HERC1: variants seen among roughly 807,000 people sequenced by gnomAD.
HERC1 encodes probable E3 ubiquitin-protein ligase HERC1.
HERC1 carries 160 observed loss-of-function variants against 554.3 expected under a neutral mutation model. The ratio of observed to expected loss-of-function variants is 0.29; its 90% confidence interval spans 0.25 to 0.33. The LOEUF (loss-of-function observed/expected upper bound fraction) is 0.33, where lower values mean the gene tolerates loss of function less well. HERC1 is among the 10% of genes least tolerant of loss of function. HERC1 has a pLI of 1.00. For synonymous variants in HERC1, 2,175 were observed against 2,131.7 expected (o/e 1.02, Z -0.56); for missense variants, 4,919 against 5,918.5 (o/e 0.83, Z 5.54).
chr15:63,744,156 GTGTGTGTGTCTCTC>G (rs1210213081), intron 12 of HERC1, among the ~76,000 whole-genome samples: 10 of 41,384 alleles, frequency 2.4e-4, no homozygotes, highest in Non-Finnish European at 4.6e-4. Flanking sequence ...GTGTGTGTGT[GTGTGTGTGTCTCTC>G]TCTCTCTCTC....
At chr15:63,766,747 G>A (rs12903326) in intron 2 of HERC1, among the ~76,000 whole-genome samples, 72,631 of 151,994 alleles carry the variant, frequency 0.48, 18,279 homozygotes, top group Non-Finnish European at 0.55. Context: ...GCACGATCTC[G>A]GCTCACTATA....
At chr15:63,679,974 C>G in intron 36 of HERC1, 103 bp downstream of exon 36, 1 of 742,998 alleles carries the variant, frequency 1.3e-6, no homozygotes, top group Non-Finnish European at 2.1e-6. Context: ...AAGTCAAGTA[C>G]TTTTAATGGC....
intron 2 of HERC1, among the ~76,000 whole-genome samples, chr15:63,771,493 C>T (rs148981615): frequency 0.012 from 1,809 of 150,766 alleles, 31 homozygotes; most frequent in African/African-American, 0.042. Flanking sequence ...TGCAATGGTG[C>T]GATCTCAGCT....
chr15:63,622,613 G>T (rs768621297), intron 74 of HERC1, among the ~76,000 whole-genome samples: 1 of 152,130 alleles, frequency 6.6e-6, no homozygotes, highest in Non-Finnish European at 1.5e-5. Flanking sequence ...AATTACAGGC[G>T]TAAGCCACCA....
intron 1 of HERC1, among the ~76,000 whole-genome samples, chr15:63,799,968 G>GA (rs1808743356): frequency 1.3e-5 from 2 of 151,904 alleles, no homozygotes; most frequent in South Asian, 2.1e-4. Context: ...CATCTTTACA[G>GA]AAAAAAATAT....
chr15:63,700,680 GC>G (rs1433716253), intron 25 of HERC1, among the ~76,000 whole-genome samples: 1 of 136,836 alleles, frequency 7.3e-6, no homozygotes, highest in Non-Finnish European at 1.5e-5. Flanking sequence ...CTGCACTCCA[GC>G]CTGGGTGACA....
At chr15:63,774,585 A>G in intron 2 of HERC1, 109 bp downstream of exon 2, 1 of 802,100 alleles carries the variant, frequency 1.2e-6, no homozygotes, top group East Asian at 2.7e-5. Flanking sequence ...TTAACTCAAC[A>G]ATCACCAAAA....
intron 12 of HERC1, among the ~76,000 whole-genome samples, chr15:63,743,032 G>C (rs1174343943): frequency 6.6e-6 from 1 of 152,056 alleles, no homozygotes; most frequent in African/African-American, 2.4e-5. Flanking sequence ...CTACATTCTG[G>C]AAGAGTTTGT....
Position 63,674,583 on chromosome 15 carries a change from T to C in HERC1, c.7605A>G (p.Pro2535=), listed in dbSNP as rs1325236680. ...CSKYAELLLI[P]KVLAENGHNS... ...TGTGGCCATTTTCAGCCAGAACTTT[T>C]GGTATCAGCAACAGCTCAGCATATT... Residue 2535 remains proline, a synonymous_variant, in exon 38 of 78, where the codon CCA becomes CCG. Coordinates refer to ENST00000443617, the MANE Select transcript of HERC1 (RefSeq NM_003922.4). 5.0e-6 allele frequency: 8 copies of C among 1,612,520 alleles called. No individual in the cohort carries two copies. Among genetic ancestry groups the C allele is most frequent in the African/African-American group, 4.0e-5 (3 of 74,914 alleles).
intron 14 of HERC1, 28 bp from the exon 15 acceptor site, chr15:63,729,677 A>T: frequency 6.2e-7 from 1 of 1,609,752 alleles, no homozygotes; most frequent in Non-Finnish European, 8.5e-7. Context: ...GGAAGTTTAT[A>T]TTTGAAGTGC....
chr15:63,790,967 T>C (rs561452409), intron 1 of HERC1, among the ~76,000 whole-genome samples: 12 of 152,332 alleles, frequency 7.9e-5, no homozygotes, highest in Non-Finnish European at 1.2e-4. Context: ...AGAAGGCTTG[T>C]TTTTACGAAC....
intron 50 of HERC1, 77 bp downstream of exon 50, chr15:63,655,665 T>C (rs958512731): frequency 3.9e-6 from 4 of 1,018,242 alleles, no homozygotes; most frequent in African/African-American, 3.3e-5. Flanking sequence ...ATTTATCATA[T>C]ACTAACAATG....
intron 1 of HERC1, among the ~76,000 whole-genome samples, chr15:63,823,744 GA>G (rs1485349261): frequency 6.6e-6 from 1 of 151,850 alleles, no homozygotes; most frequent in Admixed American, 6.6e-5. Flanking sequence ...CCAGTTGAAA[GA>G]AAAAAAGAAA....
chr15:63,637,639 A>G lies in HERC1; in HGVS notation c.12098T>C (p.Ile4033Thr), dbSNP rs1396313177. The change falls in exon 64 of 78, where the codon ATT becomes ACT. Residue 4033 changes from isoleucine (I) to threonine (T), a missense_variant. Physicochemically the swap from Ile to Thr is moderately conservative, Grantham distance 89. Coordinates refer to ENST00000443617, the MANE Select transcript of HERC1 (RefSeq NM_003922.4). ...GACAAAGGTACAATTCTGACCACAA[A>G]TGACCTAGTATAAAAACACAGAATT... ...APSFSQAQQV[I>T]CGQNCTFVIQ... The G allele has an allele frequency of 1.3e-6, 2 of 1,547,234 alleles. No homozygotes were observed. Among genetic ancestry groups the G allele is most frequent in the Admixed American group, 2.0e-5 (1 of 50,060 alleles).
intron 75 of HERC1, 52 bp downstream of exon 75, chr15:63,616,360 CACAGAAAAATTCTAGTCT>C (rs1485169970): frequency 2.7e-6 from 4 of 1,491,300 alleles, no homozygotes; most frequent in Admixed American, 3.9e-5. Context: ...CTCAATTTTA[CACAGAAAAATTCTAGTCT>C]GTGCATATAG....
At chr15:63,659,634 A>G in intron 47 of HERC1, 102 bp downstream of exon 47, 1 of 788,792 alleles carries the variant, frequency 1.3e-6, no homozygotes, top group Non-Finnish European at 2.1e-6. Flanking sequence ...ATGTTGAACC[A>G]TTAGTCTTAT....
chr15:63,688,619 T>C (rs142055977), intron 33 of HERC1, among the ~76,000 whole-genome samples: 2 of 152,050 alleles, frequency 1.3e-5, no homozygotes, highest in Non-Finnish European at 2.9e-5. Flanking sequence ...AACACTTAGA[T>C]TGAATAGAAG....
At position 63,711,439 on chromosome 15, in the gene HERC1, G is replaced by A. The variant is rs148895440; in HGVS notation, c.4584+1336C>T. Among the ~76,000 whole-genome samples, 6 of 152,250 alleles carry A rather than the reference G, an allele frequency of 3.9e-5. No individual in the cohort carries two copies. In the East Asian group the frequency reaches 1.2e-3, roughly 29 times the overall value. On this transcript the variant is annotated intron_variant, in intron 24 of 77. Transcript: ENST00000443617. ...ATCTCACTAGACTATAAGACTGGGA[G>A]TATGAAGTGGAAGCACAGAGATATT...
chr15:63,789,130 G>A lies in HERC1; in HGVS notation c.-26-13481C>T, dbSNP rs1286444280. Among the ~76,000 whole-genome samples, 8 of 103,108 alleles carry A rather than the reference G, an allele frequency of 7.8e-5. No homozygotes were observed. The East Asian group carries it at 1.6e-3, about 20-fold the overall frequency. The allele number at this position is 103,108 out of a possible 152,430, so 67.6% of individuals were successfully genotyped here. A position where few individuals can be genotyped will look rare whatever the true frequency, so the allele number is the denominator to read the frequency against. ...TTTTGAGACGGAGTCTCGCTCTGTC[G>A]CCCAGGCTGGAGTGCAGTGGTGCAA... is the stretch of plus-strand genomic sequence containing the variant. On this transcript the variant is annotated intron_variant, in intron 1 of 77. Coordinates refer to ENST00000443617, the MANE Select transcript of HERC1 (RefSeq NM_003922.4).
Sources: gnomAD v4.1 joint callset for allele counts (sites outside exome capture counted in the v4.1 genomes callset) on GRCh38, gnomAD v4.1.1 for gene constraint, MANE v1.5 for transcripts, NCBI Gene and HGNC (gene_info 2026-07-23, HGNC 2026-07-21) for gene names.